The following DUS4L variants were observed in gnomAD, a reference collection of about 807,000 sequenced individuals.
The protein encoded by DUS4L is tRNA-dihydrouridine(20a/20b) synthase [NAD(P)+]-like.
A neutral mutation model predicts 33.8 loss-of-function variants in DUS4L; 31 were observed. The observed-to-expected ratio is 0.92, with a 90% confidence interval of 0.69 to 1.24. The LOEUF is 1.24. DUS4L is among the 50% of genes most tolerant of loss of function. The pLI is 0.00. For synonymous variants in DUS4L, 103 were observed against 120.3 expected (o/e 0.86, Z 0.94); for missense variants, 368 against 388.6 (o/e 0.95, Z 0.45).
intron 4 of DUS4L, among the ~76,000 whole-genome samples, 167 bp from the exon 5 acceptor site, chr7:107,573,537 T>G (rs1364132365): frequency 6.6e-6 from 1 of 152,278 alleles, no homozygotes; most frequent in Non-Finnish European, 1.5e-5. Context: ...AAATTGCTTT[T>G]AATTTTAAAT....
chr7:107,576,066 T>A (rs544549375), intron 6 of DUS4L, among the ~76,000 whole-genome samples: 10 of 152,350 alleles, frequency 6.6e-5, no homozygotes, highest in Admixed American at 2.0e-4. Context: ...AATATTAAGG[T>A]TTAAATTCAT....
chr7:107,570,241 G>A (rs1350145011), intron 3 of DUS4L: 1 of 152,136 alleles, frequency 6.6e-6, no homozygotes, highest in African/African-American at 2.4e-5. Context: ...ACTCCAGCAG[G>A]GAATGATGTA....
At chr7:107,565,121 A>T (rs1223403828) in intron 2 of DUS4L, among the ~76,000 whole-genome samples, 1 of 152,176 alleles carries the variant, frequency 6.6e-6, no homozygotes, top group East Asian at 1.9e-4. Context: ...TGAATTAGGA[A>T]TTGTTTTTCC....
Position 107,577,535 on chromosome 7 carries a change from A to G in DUS4L, c.929A>G (p.Tyr310Cys). ...ALSSTSAIID[Y>C]LTDHYGI is the part of the protein sequence containing the mutation. ...TCAAGCACATCAGCAATCATAGATT[A>G]CCTTACAGACCATTATGGCATTTGA... The change falls in exon 8 of 8, where the codon TAC becomes TGC. Residue 310 changes from tyrosine to cysteine, a missense_variant. By Grantham distance (194) the Tyr-to-Cys change is radical. Coordinates refer to ENST00000265720, the MANE Select transcript of DUS4L (RefSeq NM_181581.3). 6.2e-7 allele frequency: 1 copy of G among 1,613,958 alleles called. No homozygotes were observed. The highest frequency in any genetic ancestry group is 8.5e-7 in the Non-Finnish European group (1 of 1,179,966).
At position 107,567,175 on chromosome 7, in the gene DUS4L, T is replaced by C. The variant is rs779747286; in HGVS notation, c.105T>C (p.Val35=). ...TGGTAAAAGTCTGTGCCCCAATGGT[T>C]CGATATTCAAAGTAAGTGTTGCAAA... is the stretch of plus-strand genomic sequence containing the variant. ...GQLVKVCAPM[V]RYSKLAFRTL... Residue 35 remains valine (V), a synonymous_variant, in exon 3 of 8, where the codon GTT becomes GTC. Coordinates refer to ENST00000265720, the MANE Select transcript of DUS4L (RefSeq NM_181581.3). 6.2e-7 allele frequency: 1 copy of C among 1,612,216 alleles called. No homozygotes were observed. Among genetic ancestry groups the C allele is most frequent in the Admixed American group, 1.7e-5 (1 of 59,688 alleles).
At position 107,577,622 on chromosome 7, in the gene DUS4L, A is replaced by C; in HGVS notation, c.*62A>C. 6.5e-7 allele frequency: 1 copy of C among 1,530,570 alleles called. No individual in the cohort carries two copies. 94.8% of individuals were successfully genotyped at this position (1,530,570 alleles called of 1,614,324 possible). On this transcript the variant is annotated 3_prime_UTR_variant, in exon 8 of 8. Coordinates refer to ENST00000265720, the MANE Select transcript of DUS4L (RefSeq NM_181581.3). ...ACCCACAGTGAAACCACAGAAGGTC[A>C]TATTTTGTACCTTAAACCAGTAGCT...
chr7:107,566,113 T>A (rs1329239860), intron 2 of DUS4L, among the ~76,000 whole-genome samples: 1 of 152,188 alleles, frequency 6.6e-6, no homozygotes, highest in Non-Finnish European at 1.5e-5. Context: ...TACTTAAATA[T>A]TGGTGCTTCC....
rs1804299324 is a variant in DUS4L, at chr7:107,564,105, C to G, written c.-215C>G. 1 of 1,194,422 alleles carries G rather than the reference C, an allele frequency of 8.4e-7. No homozygotes were observed. The highest frequency in any genetic ancestry group is 1.5e-5 in the African/African-American group (1 of 66,148). 74.0% of individuals were successfully genotyped at this position (1,194,422 alleles called of 1,614,324 possible). On this transcript the variant is annotated 5_prime_UTR_variant, in exon 1 of 8. Coordinates refer to ENST00000265720, the MANE Select transcript of DUS4L (RefSeq NM_181581.3). ...CAGGGTCCGAGTGCTCTGCGCCCAG[C>G]GCACCGAGGGAGCCAAGGCCGTCGG...
intron 3 of DUS4L, among the ~76,000 whole-genome samples, chr7:107,569,389 A>G (rs1804996544): frequency 6.6e-6 from 1 of 152,152 alleles, no homozygotes; most frequent in East Asian, 1.9e-4. Context: ...CAATTTATTT[A>G]CTTTTTCAAA....
Position 107,577,345 on chromosome 7 carries a change from C to A in DUS4L, c.739C>A (p.Pro247Thr). 1 of 1,613,886 alleles carries A rather than the reference C, an allele frequency of 6.2e-7. No homozygotes were observed. Among genetic ancestry groups the A allele is most frequent in the Non-Finnish European group, 8.5e-7 (1 of 1,179,972 alleles). The part of the protein sequence containing the change: ...VMVARGLLAN[P>T]AMFAGYEETP... ...GGTTGCAAGAGGACTCTTAGCAAAC[C>A]CGGCCATGTTTGCTGGATATGAGGA... The change falls in exon 8 of 8, where the codon CCG becomes ACG. Residue 247 changes from proline to threonine, a missense_variant. Coordinates refer to ENST00000265720, the MANE Select transcript of DUS4L (RefSeq NM_181581.3).
Position 107,571,135 on chromosome 7 carries a change from A to G in DUS4L, c.117-10A>G. 4.3e-6 allele frequency: 7 copies of G among 1,613,484 alleles called. No homozygotes were observed. The highest frequency in any genetic ancestry group is 5.9e-6 in the Non-Finnish European group (7 of 1,179,818). The stretch of plus-strand genomic sequence containing the variant: ...TCTAAATGCATAATTAAGGTTTTAT[A>G]TGCTCACAGGTTGGCTTTTAGGACA... On this transcript the variant is annotated splice_polypyrimidine_tract_variant and intron_variant, in intron 3 of 7. Transcript: ENST00000265720.
At chr7:107,566,378 T>C (rs1804701665) in intron 2 of DUS4L, among the ~76,000 whole-genome samples, 1 of 152,214 alleles carries the variant, frequency 6.6e-6, no homozygotes. Context: ...ATTTTAAGTA[T>C]AGCAAATGTA....
At chr7:107,572,181 C>G (rs1007132146) in intron 4 of DUS4L, among the ~76,000 whole-genome samples, 1 of 152,092 alleles carries the variant, frequency 6.6e-6, no homozygotes, top group Non-Finnish European at 1.5e-5. Context: ...TTAGAAATAG[C>G]TTGATTTGTA....
At chr7:107,576,626 G>A (rs766404687) in intron 7 of DUS4L, 34 bp downstream of exon 7, 18 of 1,530,216 alleles carry the variant, frequency 1.2e-5, no homozygotes, top group Non-Finnish European at 1.5e-5. Context: ...TTTTAATTGG[G>A]GGGGGAAGAA....
rs115690887 is a variant in DUS4L at position 107,577,780 on chromosome 7, G to A, written c.*220G>A. The stretch of plus-strand genomic sequence containing the variant: ...ACACAGTTTAAAGAAAACTCCCAGT[G>A]GTTCAAACATCCTGATCATCCTAGG... On this transcript the variant is annotated 3_prime_UTR_variant, in exon 8 of 8. Transcript: ENST00000265720. 6.4e-3 allele frequency: 2,710 copies of A among 420,994 alleles called. 64 individuals carry two copies. The highest frequency in any genetic ancestry group is 0.05 in the African/African-American group (2,556 of 50,812). The allele number at this position is 420,994 out of a possible 1,614,324, so 26.1% of individuals were successfully genotyped here.
At chr7:107,571,081 A>AC in intron 3 of DUS4L, 64 bp from the exon 4 acceptor site, 1 of 1,601,566 alleles carries the variant, frequency 6.2e-7, no homozygotes, top group East Asian at 2.2e-5. Context: ...TAAATATTTA[A>AC]CAATGCACTA....
chr7:107,567,641 A>C (rs1426980950), intron 3 of DUS4L: 5 of 266,638 alleles, frequency 1.9e-5, no homozygotes, highest in Non-Finnish European at 3.7e-5. Context: ...AGTTTGTTAT[A>C]AAATATACGT....
chr7:107,572,017 CT>C (rs74977605), intron 4 of DUS4L, among the ~76,000 whole-genome samples: 2,163 of 142,438 alleles, frequency 0.015, 33 homozygotes, highest in African/African-American at 0.041. Flanking sequence ...AGCCATGAAT[CT>C]TTTTTTTTTT....
At position 107,577,460 on chromosome 7, in the gene DUS4L, T is replaced by C. The variant is rs562975630; in HGVS notation, c.854T>C (p.Met285Thr). ...YMCFHQHLMY[M>T]MEKITSRQEK... ...TGTTTCCATCAACATTTAATGTACA[T>C]GATGGAAAAGATAACTTCAAGGCAG... Residue 285 changes from methionine (M) to threonine (T), a missense_variant, in exon 8 of 8, where the codon ATG becomes ACG. By Grantham distance (81) the Met-to-Thr change is moderately conservative. Transcript: ENST00000265720. 3 of 1,614,132 alleles carry C rather than the reference T, an allele frequency of 1.9e-6. No homozygotes were observed. The East Asian group carries it at 6.7e-5, about 36-fold the overall frequency.
Sources: allele counts gnomAD v4.1 joint callset (sites outside exome capture counted in the v4.1 genomes callset), GRCh38; gene constraint gnomAD v4.1.1; transcripts MANE v1.5; gene names NCBI Gene and HGNC (gene_info 2026-07-23, HGNC 2026-07-21).